Variants in INTS7 observed in about 807,000 individuals in gnomAD.
INTS7 encodes the protein integrator complex subunit 7.
In INTS7, 46 loss-of-function variants were observed where a neutral mutation model predicts 109.2. The ratio of observed to expected loss-of-function variants is 0.42; its 90% CI spans 0.33 to 0.54. The LOEUF is 0.54. Among genes scored for constraint, INTS7 ranks in the 20% least tolerant of loss-of-function variants. INTS7 has a pLI of 0.07. For synonymous variants in INTS7, 412 were observed against 402.9 expected, an observed-to-expected ratio of 1.02 and a Z score of -0.27; for missense variants, 929 against 1,132.4, an observed-to-expected ratio of 0.82 and a Z score of 2.58.
intron 16 of INTS7, among the ~76,000 whole-genome samples, chr1:211,956,540 T>C (rs985312354): frequency 9.8e-5 from 15 of 152,354 alleles, no homozygotes; most frequent in African/African-American, 3.6e-4. Flanking sequence ...AAAGTTATTC[T>C]TCCCTTATTA....
chr1:212,020,890 G>A (rs756586787), intron 2 of INTS7, 193 bp downstream of exon 2: 23 of 595,570 alleles, frequency 3.9e-5, no homozygotes, highest in Non-Finnish European at 5.6e-5. Context: ...AATAAGTATC[G>A]TCTAAATTAT....
intron 1 of INTS7, among the ~76,000 whole-genome samples, chr1:212,029,481 G>A (rs956630374): frequency 6.6e-6 from 1 of 152,212 alleles, no homozygotes; most frequent in Non-Finnish European, 1.5e-5. Context: ...AAATCAGACA[G>A]TGTGAAGGAG....
At chr1:212,025,918 G>A (rs1666897448) in intron 1 of INTS7, among the ~76,000 whole-genome samples, 3 of 152,118 alleles carry the variant, frequency 2.0e-5, no homozygotes, top group African/African-American at 7.2e-5. Context: ...CACTTTGGGA[G>A]GCCGAGGCTG....
chr1:211,948,492 C>T (rs1174390870), intron 17 of INTS7, among the ~76,000 whole-genome samples: 2 of 152,196 alleles, frequency 1.3e-5, no homozygotes, highest in Non-Finnish European at 2.9e-5. Flanking sequence ...GGACTTCAGG[C>T]TGTTTTCAGG....
intron 19 of INTS7, 76 bp downstream of exon 19, chr1:211,944,708 T>A (rs931921854): frequency 1.1e-5 from 13 of 1,232,582 alleles, no homozygotes; most frequent in African/African-American, 5.9e-5. Flanking sequence ...TATTTAACCA[T>A]GAAAAACACT....
intron 7 of INTS7, among the ~76,000 whole-genome samples, chr1:212,001,148 C>A (rs769886092): frequency 5.1e-4 from 77 of 149,906 alleles, no homozygotes; most frequent in Non-Finnish European, 4.4e-4. Context: ...CTCACCGCAA[C>A]CTCTGCTTCC....
rs1344443811 is a variant in INTS7 at position 211,961,149 on chromosome 1, T to C, written c.2183+5281A>G. On this transcript the variant is annotated intron_variant, in intron 16 of 19. Transcript: ENST00000366994. ...AGAGATAGGGAGAATGGAAGCAACT[T>C]GGAAGACATATTTCAGGGTATCATC... Among the ~76,000 whole-genome samples, 4 of 151,242 alleles carry C rather than the reference T, an allele frequency of 2.6e-5. No individual in the cohort carries two copies. The East Asian group carries it at 7.8e-4, about 30-fold the overall frequency.
chr1:211,981,263 C>T (rs1397117328), intron 9 of INTS7, 73 bp from the exon 10 acceptor site: 13 of 874,266 alleles, frequency 1.5e-5, no homozygotes, highest in East Asian at 2.5e-5. Flanking sequence ...TACATGCATA[C>T]ACACTCTCTT....
At chr1:212,010,053 A>G (rs1471209244) in intron 5 of INTS7, among the ~76,000 whole-genome samples, 1 of 152,256 alleles carries the variant, frequency 6.6e-6, no homozygotes, top group Admixed American at 6.5e-5. Flanking sequence ...GGTTAAAAGC[A>G]TCGGCCTCAA....
intron 17 of INTS7, among the ~76,000 whole-genome samples, chr1:211,950,823 G>A (rs562485017): frequency 3.9e-5 from 6 of 152,162 alleles, no homozygotes; most frequent in Admixed American, 1.3e-4. Context: ...TTCCCATTCC[G>A]TTATATTCAA....
chr1:211,951,533 C>T (rs1663090635), intron 17 of INTS7, among the ~76,000 whole-genome samples: 1 of 152,176 alleles, frequency 6.6e-6, no homozygotes. Context: ...GTCTCAAACT[C>T]CTGGCCTCGT....
intron 16 of INTS7, among the ~76,000 whole-genome samples, chr1:211,962,260 T>TAAAAAAAAAAAAAAAAAAAA (rs35134976): frequency 2.5e-5 from 2 of 79,330 alleles, no homozygotes; most frequent in African/African-American, 5.2e-5. Context: ...CAACAAAGAT[T>TAAAAAAAAAAAAAAAAAAAA]AAAAAAAAAA....
At chr1:211,951,201 G>A (rs77142776) in intron 17 of INTS7, among the ~76,000 whole-genome samples, 3,927 of 152,314 alleles carry the variant, frequency 0.026, 57 homozygotes, top group African/African-American at 0.045. Context: ...ATTGGGAACT[G>A]AATGTTTGTG....
chr1:211,949,962 T>C lies in INTS7; in HGVS notation c.2316+2607A>G, dbSNP rs372383308. 4.1e-4 allele frequency among the ~76,000 whole-genome samples: 63 copies of C among 152,376 alleles called. 2 individuals are homozygous for C. The South Asian group carries it at 0.011, about 26-fold the overall frequency. On this transcript the variant is annotated intron_variant, in intron 17 of 19. Transcript: ENST00000366994. ...TTCTTATCTGTCTGGAAAACTCATA[T>C]ACAAATACATCTTCCCTCTCAACTG...
chr1:212,008,890 C>T (rs768814032), intron 5 of INTS7, among the ~76,000 whole-genome samples: 1 of 152,162 alleles, frequency 6.6e-6, no homozygotes, highest in South Asian at 2.1e-4. Flanking sequence ...GTTACCATGC[C>T]GATCCATTTC....
At chr1:212,032,131 C>G (rs1050990680) in intron 1 of INTS7, among the ~76,000 whole-genome samples, 1 of 152,210 alleles carries the variant, frequency 6.6e-6, no homozygotes, top group African/African-American at 2.4e-5. Flanking sequence ...ACCACTTACT[C>G]TTATATCCTC....
In INTS7 at chr1:211,981,206, T is replaced by C; in HGVS notation, c.1133-16A>G. 3 of 1,537,518 alleles carry C rather than the reference T, an allele frequency of 2.0e-6. No homozygotes were observed. Among genetic ancestry groups the C allele is most frequent in the Non-Finnish European group, 2.7e-6 (3 of 1,110,632 alleles). ...GCCAAAAGATCTAGAAGAAAAACAG[T>C]AAACTTTATGATGGTCAAGTGATGT... On this transcript the variant is annotated splice_polypyrimidine_tract_variant and intron_variant, in intron 9 of 19. Coordinates refer to ENST00000366994, the MANE Select transcript of INTS7 (RefSeq NM_015434.4).
chr1:211,963,568 C>T (rs928826468), intron 16 of INTS7, among the ~76,000 whole-genome samples: 1 of 152,096 alleles, frequency 6.6e-6, no homozygotes, highest in African/African-American at 2.4e-5. Context: ...CCCTGATGAA[C>T]ATTGATGCAA....
chr1:211,992,078 T>C (rs1487982565), intron 7 of INTS7, among the ~76,000 whole-genome samples: 2 of 152,220 alleles, frequency 1.3e-5, no homozygotes, highest in Non-Finnish European at 2.9e-5. Context: ...TTTAATACTA[T>C]AATTTATATT....
Sources: gnomAD v4.1 joint callset for allele counts (sites outside exome capture counted in the v4.1 genomes callset) on GRCh38, gnomAD v4.1.1 for gene constraint, MANE v1.5 for transcripts, NCBI Gene and HGNC (gene_info 2026-07-23, HGNC 2026-07-21) for gene names.